The following CELF4 variants were observed in gnomAD, a reference collection of about 807,000 sequenced individuals.
The protein encoded by CELF4 is CUG-BP- and ETR-3-like factor 4.
CELF4 carries 18 observed loss-of-function variants against 59.9 expected under a neutral mutation model. The observed-to-expected ratio is 0.30, with a 90% CI of 0.21 to 0.45. The LOEUF is 0.45. CELF4 is among the 20% of genes least tolerant of loss of function. CELF4 has a pLI of 1.00. For missense variants in CELF4, 456 were observed against 689.0 expected (o/e 0.66, Z 3.79); for synonymous variants, 261 against 267.1 (o/e 0.98, Z 0.22).
chr18:37,375,338 C>T (rs531405376), intron 2 of CELF4, among the ~76,000 whole-genome samples: 12 of 152,290 alleles, frequency 7.9e-5, no homozygotes, highest in Admixed American at 2.6e-4. Flanking sequence ...TAAGCGATGA[C>T]GCCGGCTGGA....
chr18:37,298,835 G>C (rs911592680), intron 3 of CELF4, among the ~76,000 whole-genome samples: 4 of 152,016 alleles, frequency 2.6e-5, no homozygotes, highest in Non-Finnish European at 5.9e-5. Context: ...CCAGCCAAGC[G>C]GGGCCCGGTC....
At chr18:37,440,262 C>G (rs968534757) in intron 2 of CELF4, among the ~76,000 whole-genome samples, 3 of 152,186 alleles carry the variant, frequency 2.0e-5, no homozygotes, top group Admixed American at 2.0e-4. Context: ...AACTAACAAC[C>G]AGGTGGGGAG....
rs145003652 is a variant in CELF4 at position 37,503,540 on chromosome 18, C to G, written c.287-17933G>C. On this transcript the variant is annotated intron_variant, in intron 1 of 12. Coordinates refer to ENST00000420428, the MANE Select transcript of CELF4 (RefSeq NM_020180.4). ...GCTGTGTGCCCAGGGACACTCCAAG[C>G]CAAGGTCCCAGCTCACAAGTCACCT... Among the ~76,000 whole-genome samples the G allele has an allele frequency of 1.6e-3, 250 of 152,266 alleles. 1 individual carries two copies. Among genetic ancestry groups the G allele is most frequent in the East Asian group, 0.016 (81 of 5,170 alleles).
intron 2 of CELF4, among the ~76,000 whole-genome samples, chr18:37,335,789 C>G (rs948868533): frequency 1.3e-5 from 2 of 152,080 alleles, no homozygotes; most frequent in African/African-American, 4.8e-5. Flanking sequence ...CCTTCACTCC[C>G]TTGGAGGTAA....
Position 37,254,548 on chromosome 18 carries a change from C to G in CELF4, c.1334-610G>C, listed in dbSNP as rs1334557130. ...TCCGCCCCCACTCCCGGCCTCTGCC[C>G]GCCCCGCCAGGCTCCGGGTGGGCCC... On this transcript the variant is annotated intron_variant, in intron 11 of 12. Coordinates refer to ENST00000420428, the MANE Select transcript of CELF4 (RefSeq NM_020180.4). The surrounding 1 kb of genome is among the most constrained non-coding windows in gnomAD (Gnocchi z 5.1). Among the ~76,000 whole-genome samples the G allele has an allele frequency of 6.6e-6, 1 of 152,122 alleles. No individual in the cohort carries two copies. Among genetic ancestry groups the G allele is most frequent in the Admixed American group, 6.5e-5 (1 of 15,290 alleles).
At chr18:37,311,151 T>TA (rs2154489584) in intron 3 of CELF4, among the ~76,000 whole-genome samples, 1 of 152,270 alleles carries the variant, frequency 6.6e-6, no homozygotes, top group African/African-American at 2.4e-5. Context: ...CCAAATGGAT[T>TA]AAAAAAACTT....
chr18:37,366,551 C>T (rs2098786631), intron 2 of CELF4, among the ~76,000 whole-genome samples: 1 of 152,198 alleles, frequency 6.6e-6, no homozygotes, highest in Non-Finnish European at 1.5e-5. Context: ...GGTTTGGGGC[C>T]CTTGTCTGGT....
intron 1 of CELF4, among the ~76,000 whole-genome samples, chr18:37,560,507 C>G (rs376013023): frequency 6.6e-6 from 1 of 152,076 alleles, no homozygotes; most frequent in African/African-American, 2.4e-5. Context: ...TTTGGTGAAA[C>G]CTGTTTTTTT....
chr18:37,490,161 A>G (rs1005406380), intron 1 of CELF4, among the ~76,000 whole-genome samples: 5 of 152,226 alleles, frequency 3.3e-5, no homozygotes, highest in Admixed American at 2.0e-4. Flanking sequence ...AATAGACGCC[A>G]TGTATATACA....
chr18:37,291,414 C>T (rs958840578), intron 3 of CELF4, among the ~76,000 whole-genome samples: 2 of 152,224 alleles, frequency 1.3e-5, no homozygotes, highest in African/African-American at 4.8e-5. Context: ...AAGCCTGGAC[C>T]TGCATATGCA....
rs531145652 is a variant in CELF4 at position 37,251,416 on chromosome 18, C to A, written c.*44+2351G>T. On this transcript the variant is annotated intron_variant, in intron 12 of 12. Coordinates refer to ENST00000420428, the MANE Select transcript of CELF4 (RefSeq NM_020180.4). ...ATCCCAAACAATAAACCTGCCTTCT[C>A]ACTCCTTCATCTGGGAATTCTTCTA... is the stretch of plus-strand genomic sequence containing the variant. Among the ~76,000 whole-genome samples the A allele has an allele frequency of 2.0e-5, 3 of 152,248 alleles. No homozygotes were observed. In the East Asian group the frequency reaches 5.8e-4, roughly 29 times the overall value.
At chr18:37,345,141 T>A (rs750770094) in intron 2 of CELF4, among the ~76,000 whole-genome samples, 2 of 152,116 alleles carry the variant, frequency 1.3e-5, no homozygotes, top group African/African-American at 4.8e-5. Context: ...CCAGGACTGG[T>A]GTACAGAGCT....
At chr18:37,449,849 G>A (rs904437198) in intron 2 of CELF4, among the ~76,000 whole-genome samples, 1 of 152,188 alleles carries the variant, frequency 6.6e-6, no homozygotes, top group African/African-American at 2.4e-5. Context: ...TAACCTCAAG[G>A]TGTGTCCCTT....
intron 6 of CELF4, 29 bp from the exon 7 acceptor site, chr18:37,273,192 A>T (rs757792900): frequency 3.1e-6 from 5 of 1,593,190 alleles, no homozygotes; most frequent in Non-Finnish European, 4.3e-6. Flanking sequence ...AAAAAATATC[A>T]CGTGCTTCCA....
intron 3 of CELF4, among the ~76,000 whole-genome samples, chr18:37,282,425 T>A (rs1215298333): frequency 6.6e-6 from 1 of 152,158 alleles, no homozygotes; most frequent in Non-Finnish European, 1.5e-5. Flanking sequence ...ATTCTCCCAA[T>A]CCAGATCTGT....
At position 37,272,572 on chromosome 18, in the gene CELF4, G is replaced by GACAAA. The variant is rs1248401139; in HGVS notation, c.949+443_949+444insTTTGT. ...AGTCTAGATTGGGTTAAAGGGAAAT[G>GACAAA]AAAAAAAAAAAAAAAAAAAAAAGAC... On this transcript the variant is annotated intron_variant, in intron 7 of 12. Coordinates refer to ENST00000420428, the MANE Select transcript of CELF4 (RefSeq NM_020180.4). 2.0e-3 allele frequency among the ~76,000 whole-genome samples: 205 copies of GACAAA among 104,926 alleles called. 1 individual carries two copies. The highest frequency in any genetic ancestry group is 6.9e-3 in the African/African-American group (195 of 28,386). The allele number at this position is 104,926 out of a possible 152,430, so 68.8% of individuals were successfully genotyped here. A position where few individuals can be genotyped will look rare whatever the true frequency, so the allele number is the denominator to read the frequency against.
intron 3 of CELF4, among the ~76,000 whole-genome samples, chr18:37,318,906 T>G (rs1213437657): frequency 2.6e-5 from 4 of 152,142 alleles, no homozygotes; most frequent in Non-Finnish European, 5.9e-5. Context: ...AGATGGCACC[T>G]CCTTATGGCC....
In CELF4 at chr18:37,319,324, G is replaced by T. The variant is rs141349496; in HGVS notation, c.448+2479C>A. Among the ~76,000 whole-genome samples the T allele has an allele frequency of 6.2e-3, 940 of 152,332 alleles. 9 individuals are homozygous for T. Among genetic ancestry groups the T allele is most frequent in the African/African-American group, 0.02 (841 of 41,572 alleles). Reference sequence around the variant, plus strand: ...GGCTTCGCTCACGTGGGCCCCTCACGCCTGAAGCATCTCTAACCCTCAACC... The same window carrying T: ...GGCTTCGCTCACGTGGGCCCCTCACTCCTGAAGCATCTCTAACCCTCAACC... On this transcript the variant is annotated intron_variant, in intron 3 of 12. Transcript: ENST00000420428.
At position 37,244,866 on chromosome 18, in the gene CELF4, C is replaced by T. The variant is rs1005491460; in HGVS notation, c.*376G>A. On this transcript the variant is annotated 3_prime_UTR_variant, in exon 13 of 13. Coordinates refer to ENST00000420428, the MANE Select transcript of CELF4 (RefSeq NM_020180.4). ...CCGTGGGCTGGAAAAGCCCCGGGAT[C>T]GGTAAGCAGCGTCTCCTCCCAGCTC... is the stretch of plus-strand genomic sequence containing the variant. The T allele has an allele frequency of 1.3e-5, 2 of 152,618 alleles. No individual in the cohort carries two copies. The highest frequency in any genetic ancestry group is 4.8e-5 in the African/African-American group (2 of 41,464). 9.5% of individuals were successfully genotyped at this position (152,618 alleles called of 1,614,324 possible). A position where few individuals can be genotyped will look rare whatever the true frequency, so the allele number is the denominator to read the frequency against.
Sources: allele counts gnomAD v4.1 joint callset (sites outside exome capture counted in the v4.1 genomes callset), GRCh38; gene constraint gnomAD v4.1.1; non-coding constraint Gnocchi (gnomAD v3.1); transcripts MANE v1.5; gene names NCBI Gene and HGNC (gene_info 2026-07-23, HGNC 2026-07-21).